UGT1A10: variants seen among roughly 807,000 people sequenced by gnomAD.
The protein encoded by UGT1A10 is UDP-glucuronosyltransferase 1A10.
A neutral mutation model predicts 45.8 loss-of-function variants in UGT1A10; 49 were observed. That is an observed-to-expected ratio of 1.07 (90% CI 0.85 to 1.36). The LOEUF (loss-of-function observed/expected upper bound fraction) is 1.36, where lower values mean the gene tolerates loss of function less well. Ranked by LOEUF, UGT1A10 falls within the 40% of genes most tolerant of loss-of-function variation. The probability of loss-of-function intolerance (pLI) is 0.00; values close to 1 mark genes in which losing one functional copy is unlikely to be tolerated. For synonymous variants in UGT1A10, 284 were observed against 249.7 expected, an observed-to-expected ratio of 1.14 and a Z score of -1.29; for missense variants, 745 against 668.6, an observed-to-expected ratio of 1.11 and a Z score of -1.26.
At chr2:233,745,519 A>G (rs567771888) in intron 1 of UGT1A10, among the ~76,000 whole-genome samples, 1 of 151,822 alleles carries the variant, frequency 6.6e-6, no homozygotes, top group African/African-American at 2.4e-5. Context: ...ATTAGGTCTA[A>G]TGGGGATGTG....
At chr2:233,719,662 G>A in intron 1 of UGT1A10, 6 of 1,614,092 alleles carry the variant, frequency 3.7e-6, no homozygotes, top group Non-Finnish European at 5.1e-6. Flanking sequence ...GGCATCAACT[G>A]TGCCAACGGG....
At chr2:233,730,016 A>C in intron 1 of UGT1A10, 1 of 1,613,836 alleles carries the variant, frequency 6.2e-7, no homozygotes. Context: ...GCCTTCATCC[A>C]ATCAATGTTC....
At position 233,682,276 on chromosome 2, in the gene UGT1A10, C is replaced by T. The variant is rs149528133; in HGVS notation, c.855+44899C>T. ...CATTTTCTCTATTAACAAGTTCATC[C>T]AATGGTATTTTTGACTTATTTTTTT... On this transcript the variant is annotated intron_variant, in intron 1 of 4. Transcript: ENST00000344644. 6.4e-5 allele frequency: 104 copies of T among 1,614,166 alleles called. No homozygotes were observed. The African/African-American group carries it at 1.1e-3, about 17-fold the overall frequency.
intron 1 of UGT1A10, among the ~76,000 whole-genome samples, chr2:233,703,995 G>T: frequency 6.6e-6 from 1 of 151,778 alleles, no homozygotes. Context: ...GGTTCAAGCA[G>T]TTCTCCCACC....
Position 233,690,778 on chromosome 2 carries a change from C to T in UGT1A10, c.855+53401C>T, listed in dbSNP as rs80089165. The T allele has an allele frequency of 5.0e-4, 115 of 229,708 alleles. No homozygotes were observed. The African/African-American group carries it at 5.8e-3, about 12-fold the overall frequency. 14.2% of individuals were successfully genotyped at this position (229,708 alleles called of 1,614,324 possible). A position where few individuals can be genotyped will look rare whatever the true frequency, so the allele number is the denominator to read the frequency against. On this transcript the variant is annotated intron_variant, in intron 1 of 4. Coordinates refer to ENST00000344644, the MANE Select transcript of UGT1A10 (RefSeq NM_019075.4). ...GCAGACATACACACACACACACATA[C>T]ACACACACACACACACACACACCAT...
rs754213125 is a variant in UGT1A10 at position 233,761,125 on chromosome 2, T to G, written c.856-5909T>G. ...TATGGTTTTTGTTGGTGGAATCAAC[T>G]GCCTTCACCAAAATCCACTATCCCA... On this transcript the variant is annotated intron_variant, in intron 1 of 4. Transcript: ENST00000344644. 1.1e-5 allele frequency: 17 copies of G among 1,614,134 alleles called. No homozygotes were observed. Among genetic ancestry groups the G allele is most frequent in the Middle Eastern group, 1.6e-4 (1 of 6,084 alleles).
chr2:233,712,319 C>T (rs1479804817), intron 1 of UGT1A10, among the ~76,000 whole-genome samples: 1 of 149,708 alleles, frequency 6.7e-6, no homozygotes, highest in Non-Finnish European at 1.5e-5. Context: ...CTCAACAAAG[C>T]CTTTCCAAGA....
intron 1 of UGT1A10, chr2:233,713,113 G>A: frequency 6.2e-7 from 1 of 1,614,226 alleles, no homozygotes; most frequent in Non-Finnish European, 8.5e-7. Flanking sequence ...GGCAGCCACT[G>A]GCTCAGCATG....
intron 1 of UGT1A10, chr2:233,648,030 A>G (rs1379464941): frequency 1.9e-6 from 3 of 1,597,780 alleles, no homozygotes; most frequent in African/African-American, 1.3e-5. Flanking sequence ...TGAGTTGGCA[A>G]CTGGGAAGAT....
intron 1 of UGT1A10, chr2:233,693,591 A>T: frequency 6.2e-7 from 1 of 1,614,232 alleles, no homozygotes; most frequent in Non-Finnish European, 8.5e-7. Context: ...CCCAGGTGCT[A>T]CACAAAGTTT....
rs375082638 is a variant in UGT1A10 at position 233,764,736 on chromosome 2, G to A, written c.856-2298G>A. Among the ~76,000 whole-genome samples the A allele has an allele frequency of 2.0e-5, 3 of 152,156 alleles. 1 individual carries two copies. The East Asian group carries it at 5.8e-4, about 29-fold the overall frequency. On this transcript the variant is annotated intron_variant, in intron 1 of 4. Coordinates refer to ENST00000344644, the MANE Select transcript of UGT1A10 (RefSeq NM_019075.4). ...CCCAAGAAAGAGGGAGAGAAAGAGGGGAGAGATGTGGTGCAGACCCTAGGG... is the reference window on the plus strand; with the variant it reads ...CCCAAGAAAGAGGGAGAGAAAGAGGAGAGAGATGTGGTGCAGACCCTAGGG...
chr2:233,718,804 C>T (rs748979755), intron 1 of UGT1A10: 52 of 1,613,118 alleles, frequency 3.2e-5, no homozygotes, highest in African/African-American at 4.0e-5. Context: ...AGTCAGCTGT[C>T]GGTGGCTTCT....
At chr2:233,670,360 A>T (rs2074158004) in intron 1 of UGT1A10, among the ~76,000 whole-genome samples, 1 of 152,248 alleles carries the variant, frequency 6.6e-6, no homozygotes, top group South Asian at 2.1e-4. Flanking sequence ...GAATTACATC[A>T]TAATTATTAT....
intron 1 of UGT1A10, among the ~76,000 whole-genome samples, chr2:233,701,175 A>G (rs1487804881): frequency 6.6e-6 from 1 of 152,182 alleles, no homozygotes; most frequent in Non-Finnish European, 1.5e-5. Flanking sequence ...TGCCGTTATA[A>G]ACATACATGT....
At chr2:233,690,017 C>A (rs2074971660) in intron 1 of UGT1A10, 1 of 439,614 alleles carries the variant, frequency 2.3e-6, no homozygotes, top group Non-Finnish European at 4.5e-6. Context: ...CATTTTGGAC[C>A]TTCCTCAAGA....
At chr2:233,757,560 A>ATATATATATATATG (rs904896556) in intron 1 of UGT1A10, among the ~76,000 whole-genome samples, 2 of 123,156 alleles carry the variant, frequency 1.6e-5, no homozygotes, top group African/African-American at 6.8e-5. Flanking sequence ...ATATATATAT[A>ATATATATATATATG]TGTATATATG....
intron 1 of UGT1A10, chr2:233,682,591 A>G (rs747574458): frequency 2.5e-6 from 4 of 1,613,708 alleles, no homozygotes; most frequent in South Asian, 2.2e-5. Flanking sequence ...AGGAACATTT[A>G]TTTTGCCCCT....
At position 233,730,325 on chromosome 2, in the gene UGT1A10, C is replaced by A. The variant is rs532901219; in HGVS notation, c.856-36709C>A. On this transcript the variant is annotated intron_variant, in intron 1 of 4. Transcript: ENST00000344644. ...CTTCAGCTTGGCAGGAACAGGGACA[C>A]TACGTTTGGAACTGATCCATCCTGG... 4.6e-5 allele frequency among the ~76,000 whole-genome samples: 7 copies of A among 152,252 alleles called. No individual in the cohort carries two copies. In the South Asian group the frequency reaches 1.2e-3, roughly 27 times the overall value.
chr2:233,749,850 T>C (rs1468602836), intron 1 of UGT1A10, among the ~76,000 whole-genome samples: 1 of 151,948 alleles, frequency 6.6e-6, no homozygotes. Flanking sequence ...TCTTTGCCTC[T>C]CTCTCACTTT....
Sources: allele counts gnomAD v4.1 joint callset (sites outside exome capture counted in the v4.1 genomes callset), GRCh38; gene constraint gnomAD v4.1.1; transcripts MANE v1.5; gene names NCBI Gene and HGNC (gene_info 2026-07-23, HGNC 2026-07-21).